CTNND2: variants seen among roughly 807,000 people sequenced by gnomAD.
CTNND2 encodes the protein catenin delta-2.
A neutral mutation model predicts 144.4 loss-of-function variants in CTNND2; 22 were observed. The ratio of observed to expected loss-of-function variants is 0.15; its 90% CI spans 0.11 to 0.22. The LOEUF is 0.22. Among genes scored for constraint, CTNND2 ranks in the 10% least tolerant of loss-of-function variants. The pLI is 1.00. For synonymous variants in CTNND2, 751 were observed against 695.6 expected, an observed-to-expected ratio of 1.08 and a Z score of -1.25; for missense variants, 1,353 against 1,618.8, an observed-to-expected ratio of 0.84 and a Z score of 2.82.
At chr5:10,995,905 A>T (rs1012269940) in intron 18 of CTNND2, among the ~76,000 whole-genome samples, 1 of 152,156 alleles carries the variant, frequency 6.6e-6, no homozygotes, top group African/African-American at 2.4e-5. Context: ...TTTCTTATGG[A>T]AAATGAGAAG....
intron 12 of CTNND2, among the ~76,000 whole-genome samples, chr5:11,124,920 G>A (rs1754520119): frequency 6.6e-6 from 1 of 152,176 alleles, no homozygotes; most frequent in Non-Finnish European, 1.5e-5. Flanking sequence ...AGTGGTTTGA[G>A]CAGCCCCTGC....
intron 5 of CTNND2, among the ~76,000 whole-genome samples, chr5:11,409,640 C>T (rs1761358091): frequency 6.6e-6 from 1 of 152,054 alleles, no homozygotes; most frequent in Non-Finnish European, 1.5e-5. Context: ...GTTAAGACAG[C>T]TCACTACATA....
chr5:11,575,976 C>G (rs1777945662), intron 2 of CTNND2, among the ~76,000 whole-genome samples: 1 of 152,220 alleles, frequency 6.6e-6, no homozygotes, highest in Non-Finnish European at 1.5e-5. Context: ...CAAAATCAAC[C>G]AAATCCTACA....
chr5:11,221,535 G>GA (rs1337141113), intron 10 of CTNND2, among the ~76,000 whole-genome samples: 3 of 152,188 alleles, frequency 2.0e-5, no homozygotes, highest in African/African-American at 4.8e-5. Context: ...TAATGAAACA[G>GA]AGATTGCAAA....
intron 3 of CTNND2, among the ~76,000 whole-genome samples, chr5:11,548,238 G>C (rs1775428952): frequency 6.6e-6 from 1 of 152,134 alleles, no homozygotes; most frequent in Non-Finnish European, 1.5e-5. Flanking sequence ...AGAACTTCAA[G>C]GGTACAAATA....
Position 11,022,943 on chromosome 5 carries a change from G to A in CTNND2, c.2825C>T (p.Pro942Leu). The A allele has an allele frequency of 1.2e-6, 2 of 1,614,130 alleles. No individual in the cohort carries two copies. Among genetic ancestry groups the A allele is most frequent in the Non-Finnish European group, 1.7e-6 (2 of 1,180,022 alleles). ...AGTGTTGTTGCTGTTGTTCCCTCCT[G>A]GAAGCCTGTGGACTAGGTCTCGCAT... ...YAMRDLVHRLPGGNNSNNTAS... is the reference protein window; with the variant it reads ...YAMRDLVHRLLGGNNSNNTAS... The change falls in exon 17 of 22, where the codon CCA (proline) becomes CTA (leucine). Residue 942 changes from proline to leucine, a missense_variant. Pro to Leu is a moderately conservative substitution (Grantham distance 98). Around this residue, in one of 4 missense-constraint regions of CTNND2, gnomAD observed 459 missense variants for 674.3 expected, o/e 0.68. Transcript: ENST00000304623.
intron 15 of CTNND2, among the ~76,000 whole-genome samples, chr5:11,092,607 T>C (rs553149924): frequency 1.8e-4 from 28 of 152,322 alleles, no homozygotes; most frequent in African/African-American, 6.7e-4. Context: ...AGACTGGTCA[T>C]TGCCTGTGTC....
chr5:11,549,708 G>T (rs919190224), intron 3 of CTNND2, among the ~76,000 whole-genome samples: 1 of 152,092 alleles, frequency 6.6e-6, no homozygotes, highest in African/African-American at 2.4e-5. Context: ...CCCCAAAATT[G>T]TAGGGACCTT....
chr5:11,848,028 T>G (rs1056740366), intron 1 of CTNND2, among the ~76,000 whole-genome samples: 28 of 152,066 alleles, frequency 1.8e-4, no homozygotes, highest in Admixed American at 6.6e-5. Flanking sequence ...AAAATATCAA[T>G]GAGAATCCTA....
At chr5:11,278,719 G>A (rs900544643) in intron 9 of CTNND2, among the ~76,000 whole-genome samples, 8 of 152,158 alleles carry the variant, frequency 5.3e-5, no homozygotes, top group African/African-American at 1.9e-4. Context: ...CCTTGAGTCT[G>A]GATGAAGGAG....
intron 15 of CTNND2, among the ~76,000 whole-genome samples, chr5:11,086,261 C>T (rs1407499020): frequency 6.6e-6 from 1 of 152,022 alleles, no homozygotes; most frequent in East Asian, 1.9e-4. Context: ...CAAGACAGGA[C>T]CCTGGACCGG....
rs191254656 is a variant in CTNND2, at chr5:11,463,846, G to A, written c.288-51777C>T. On this transcript the variant is annotated intron_variant, in intron 3 of 21. Coordinates refer to ENST00000304623, the MANE Select transcript of CTNND2 (RefSeq NM_001332.4). ...CTAAGCTTTGACAGCTGAGGAAAGCGTCCCTTACAAAAAAAAAAAAAGATT... is the reference window on the plus strand; with the variant it reads ...CTAAGCTTTGACAGCTGAGGAAAGCATCCCTTACAAAAAAAAAAAAAGATT... Among the ~76,000 whole-genome samples, 447 of 146,414 alleles carry A rather than the reference G, an allele frequency of 3.1e-3. 3 individuals are homozygous for A. Among genetic ancestry groups the A allele is most frequent in the African/African-American group, 0.01 (391 of 38,510 alleles).
intron 9 of CTNND2, among the ~76,000 whole-genome samples, chr5:11,294,228 C>T (rs1472138462): frequency 1.3e-5 from 2 of 150,296 alleles, no homozygotes; most frequent in African/African-American, 2.4e-5. Flanking sequence ...TCCTTGATGT[C>T]GCAGTAAAAA....
At chr5:11,110,788 T>A in intron 14 of CTNND2, 70 bp downstream of exon 14, 1 of 1,416,286 alleles carries the variant, frequency 7.1e-7, no homozygotes, top group Non-Finnish European at 9.7e-7. Flanking sequence ...ATTCTCTATA[T>A]ATTGAGGATA....
intron 9 of CTNND2, among the ~76,000 whole-genome samples, chr5:11,339,742 G>A (rs1269939550): frequency 2.0e-5 from 3 of 152,142 alleles, no homozygotes; most frequent in Non-Finnish European, 2.9e-5. Flanking sequence ...ACTTTGTGAG[G>A]ACACAGAGAG....
intron 2 of CTNND2, among the ~76,000 whole-genome samples, chr5:11,582,011 T>C (rs1778474040): frequency 6.6e-6 from 1 of 152,178 alleles, no homozygotes; most frequent in Non-Finnish European, 1.5e-5. Context: ...TCAGAAGACT[T>C]TTACTGACCA....
chr5:11,786,522 T>C (rs1338622163), intron 1 of CTNND2, among the ~76,000 whole-genome samples: 3 of 152,210 alleles, frequency 2.0e-5, no homozygotes, highest in African/African-American at 7.2e-5. Flanking sequence ...GATAATTCAA[T>C]TCTTCCCTAA....
intron 3 of CTNND2, among the ~76,000 whole-genome samples, chr5:11,539,111 G>A (rs1482176648): frequency 1.3e-5 from 2 of 152,118 alleles, no homozygotes; most frequent in African/African-American, 4.8e-5. Context: ...GGCTGTAGGG[G>A]ACAAAAAGAT....
chr5:11,649,503 G>C (rs1782538336), intron 2 of CTNND2, among the ~76,000 whole-genome samples: 1 of 152,018 alleles, frequency 6.6e-6, no homozygotes, highest in Non-Finnish European at 1.5e-5. Flanking sequence ...TTTTAGTAGA[G>C]ATGGGGTTTC....
Sources: allele counts gnomAD v4.1 joint callset (sites outside exome capture counted in the v4.1 genomes callset), GRCh38; gene constraint gnomAD v4.1.1; regional missense constraint gnomAD v4.1.1; transcripts MANE v1.5; gene names NCBI Gene and HGNC (gene_info 2026-07-23, HGNC 2026-07-21).